The following MORC3 variants were observed in gnomAD, a reference collection of about 807,000 sequenced individuals.
MORC3 encodes the protein MORC family CW-type zinc finger 3.
Under a neutral mutation model 109.1 loss-of-function variants are expected in MORC3, and 31 were observed. That is an observed-to-expected ratio of 0.28 (90% CI 0.21 to 0.38). MORC3 has a LOEUF of 0.38. Among genes scored for constraint, MORC3 ranks in the 10% least tolerant of loss-of-function variants. The pLI, the probability that MORC3 is intolerant of heterozygous loss-of-function variation, is 1.00. For synonymous variants in MORC3, 395 were observed against 380.7 expected (o/e 1.04, Z -0.44); for missense variants, 867 against 1,135.8 (o/e 0.76, Z 3.40).
chr21:36,337,073 T>C, intron 3 of MORC3, 67 bp downstream of exon 3: 1 of 1,545,152 alleles, frequency 6.5e-7, no homozygotes, highest in Non-Finnish European at 8.8e-7. Flanking sequence ...CATGCCATAC[T>C]TACTATTCTT....
At chr21:36,327,310 C>T (rs1369799615) in intron 1 of MORC3, among the ~76,000 whole-genome samples, 4 of 151,396 alleles carry the variant, frequency 2.6e-5, no homozygotes, top group Non-Finnish European at 5.9e-5. Context: ...GCGCTCACCA[C>T]CACACCTGGC....
chr21:36,361,099 T>C (rs1008471372), intron 12 of MORC3, among the ~76,000 whole-genome samples: 1 of 148,524 alleles, frequency 6.7e-6, no homozygotes, highest in Admixed American at 6.7e-5. Context: ...ATAGTGGAAG[T>C]GGGACAGATG....
At chr21:36,363,395 C>T (rs1289711996) in intron 13 of MORC3, among the ~76,000 whole-genome samples, 2 of 152,140 alleles carry the variant, frequency 1.3e-5, no homozygotes, top group African/African-American at 4.8e-5. Flanking sequence ...TCCTGGGGAA[C>T]AGACTGAGAC....
rs898471391 is a variant in MORC3 at position 36,338,935 on chromosome 21, T to C, written c.608+14T>C. 1.9e-6 allele frequency: 3 copies of C among 1,613,016 alleles called. No homozygotes were observed. Among genetic ancestry groups the C allele is most frequent in the South Asian group, 1.1e-5 (1 of 91,002 alleles). ...GAATCTTAGAAGGTAAACGTGGACATAGATGTTGACCGTTTGGGAAGTAAA... is the reference window on the plus strand; with the variant it reads ...GAATCTTAGAAGGTAAACGTGGACACAGATGTTGACCGTTTGGGAAGTAAA... On this transcript the variant is annotated intron_variant, in intron 5 of 16. Coordinates refer to ENST00000400485, the MANE Select transcript of MORC3 (RefSeq NM_015358.3).
intron 12 of MORC3, chr21:36,360,851 C>T (rs933394704): frequency 6.6e-6 from 1 of 152,404 alleles, no homozygotes; most frequent in Admixed American, 6.6e-5. Context: ...GCGGGTGGAT[C>T]ACCTGAGGTC....
At chr21:36,356,975 A>G (rs939849785) in intron 10 of MORC3, among the ~76,000 whole-genome samples, 6 of 152,216 alleles carry the variant, frequency 3.9e-5, no homozygotes, top group African/African-American at 7.2e-5. Context: ...GATGCTATGG[A>G]TGGATTATAT....
rs144331538 is a variant in MORC3 at position 36,326,878 on chromosome 21, C to T, written c.39+6575C>T. On this transcript the variant is annotated intron_variant, in intron 1 of 16. Transcript: ENST00000400485. Reference sequence around the variant, plus strand: ...TCGCCTAGGCTGGAGTGCATTGGTGCGATCTCGGCTCACTGCAACCTCTGC... The same window carrying T: ...TCGCCTAGGCTGGAGTGCATTGGTGTGATCTCGGCTCACTGCAACCTCTGC... Among the ~76,000 whole-genome samples, 5 of 150,700 alleles carry T rather than the reference C, an allele frequency of 3.3e-5. No homozygotes were observed. The East Asian group carries it at 7.8e-4, about 24-fold the overall frequency.
chr21:36,367,170 C>T (rs1189691043), intron 14 of MORC3, among the ~76,000 whole-genome samples: 3 of 152,186 alleles, frequency 2.0e-5, no homozygotes, highest in Admixed American at 2.0e-4. Context: ...GCAGTTTTTA[C>T]TGCTGAAGAT....
At chr21:36,325,550 C>G (rs1252065119) in intron 1 of MORC3, among the ~76,000 whole-genome samples, 1 of 152,136 alleles carries the variant, frequency 6.6e-6, no homozygotes, top group African/African-American at 2.4e-5. Flanking sequence ...GTGTAATAAC[C>G]AGTCTCCAGA....
chr21:36,340,122 C>G (rs2085424011), intron 5 of MORC3, among the ~76,000 whole-genome samples: 2 of 151,916 alleles, frequency 1.3e-5, no homozygotes, highest in Non-Finnish European at 2.9e-5. Context: ...ACTAAAATTA[C>G]AAAAAATTAG....
At chr21:36,335,671 A>T (rs1422813277) in intron 2 of MORC3, among the ~76,000 whole-genome samples, 1 of 152,186 alleles carries the variant, frequency 6.6e-6, no homozygotes, top group Non-Finnish European at 1.5e-5. Context: ...AGAAATGAGT[A>T]TGCTAAACAA....
intron 7 of MORC3, 69 bp downstream of exon 7, chr21:36,344,776 A>G: frequency 1.3e-6 from 2 of 1,591,306 alleles, no homozygotes; most frequent in African/African-American, 1.3e-5. Flanking sequence ...CTTTCCCCTT[A>G]TATGCTGATA....
chr21:36,358,489 G>A (rs2085672183), intron 10 of MORC3, among the ~76,000 whole-genome samples: 2 of 151,198 alleles, frequency 1.3e-5, no homozygotes, highest in African/African-American at 4.9e-5. Flanking sequence ...TATCCAGTGG[G>A]TCACGCCTGT....
chr21:36,367,143 G>A (rs935383846), intron 14 of MORC3, among the ~76,000 whole-genome samples: 1 of 152,140 alleles, frequency 6.6e-6, no homozygotes, highest in Non-Finnish European at 1.5e-5. Flanking sequence ...CAGAAGATAG[G>A]GAATTTACTT....
chr21:36,352,971 TA>T (rs777452359), intron 9 of MORC3, among the ~76,000 whole-genome samples: 1,425 of 121,932 alleles, frequency 0.012, 5 homozygotes, highest in African/African-American at 0.015. Context: ...ACCTTTTCTC[TA>T]AAAAAAAAAA....
chr21:36,369,711 A>T lies in MORC3; in HGVS notation c.2343A>T (p.Glu781Asp). 1 of 1,614,200 alleles carries T rather than the reference A, an allele frequency of 6.2e-7. No individual in the cohort carries two copies. The highest frequency in any genetic ancestry group is 8.5e-7 in the Non-Finnish European group (1 of 1,180,030). The change falls in exon 15 of 17, where the codon GAA (glutamate) becomes GAT (aspartate). Residue 781 changes from glutamate (E) to aspartate (D), a missense_variant. Glu to Asp is a conservative substitution (Grantham distance 45). This residue lies in a region of MORC3 where 486 missense variants were observed against 502.1 expected (regional missense o/e 0.97). Coordinates refer to ENST00000400485, the MANE Select transcript of MORC3 (RefSeq NM_015358.3). ...SQYQQALEEI[E>D]RLKKQCSALQ... ...ATCAGCAAGCTTTGGAAGAAATAGA[A>T]AGGCTGAAAAAACAATGTAGTGCTT...
At position 36,369,796 on chromosome 21, in the gene MORC3, G is replaced by T. The variant is rs925370303; in HGVS notation, c.2428G>T (p.Asp810Tyr). 8 of 1,614,180 alleles carry T rather than the reference G, an allele frequency of 5.0e-6. No individual in the cohort carries two copies. The highest frequency in any genetic ancestry group is 6.8e-6 in the Non-Finnish European group (8 of 1,180,036). Residue 810 changes from aspartate to tyrosine, a missense_variant, in exon 15 of 17, where the codon GAT (aspartate) becomes TAT (tyrosine). By Grantham distance (160) the Asp-to-Tyr change is radical. Around this residue, in one of 7 missense-constraint regions of MORC3, gnomAD observed 486 missense variants for 502.1 expected, o/e 0.97. Transcript: ENST00000400485. ...CAATAATGAGAGTAAAAGTGAAATGGATGAGATGGCTGTGCAGCTTGACGA... is the reference window on the plus strand; with the variant it reads ...CAATAATGAGAGTAAAAGTGAAATGTATGAGATGGCTGTGCAGCTTGACGA... The part of the protein sequence containing the change: ...CSNNESKSEM[D>Y]EMAVQLDDVF...
chr21:36,364,570 G>A (rs1164713383), intron 14 of MORC3, among the ~76,000 whole-genome samples: 1 of 151,230 alleles, frequency 6.6e-6, no homozygotes, highest in Non-Finnish European at 1.5e-5. Context: ...TGTAATCCCA[G>A]CTACTCCAGA....
At chr21:36,354,070 C>CA (rs578005759) in intron 9 of MORC3, among the ~76,000 whole-genome samples, 23 of 146,538 alleles carry the variant, frequency 1.6e-4, no homozygotes, top group African/African-American at 2.8e-4. Flanking sequence ...GACCCTGTCT[C>CA]AAAAAAAAAG....
Sources: allele counts gnomAD v4.1 joint callset (sites outside exome capture counted in the v4.1 genomes callset), GRCh38; gene constraint gnomAD v4.1.1; regional missense constraint gnomAD v4.1.1; transcripts MANE v1.5; gene names NCBI Gene and HGNC (gene_info 2026-07-23, HGNC 2026-07-21).